PACRG: variants seen among roughly 807,000 people sequenced by gnomAD.
The protein encoded by PACRG is parkin coregulated.
PACRG carries 29 observed loss-of-function variants against 29.7 expected under a neutral mutation model. The ratio of observed to expected loss-of-function variants is 0.98; its 90% CI spans 0.73 to 1.33. The LOEUF is 1.33. PACRG is among the 40% of genes most tolerant of loss of function. The pLI is 0.00. For missense variants in PACRG, 279 were observed against 316.2 expected (o/e 0.88, Z 0.89); for synonymous variants, 116 against 118.7 (o/e 0.98, Z 0.15).
chr6:162,822,923 T>G (rs1042291901), intron 2 of PACRG, among the ~76,000 whole-genome samples: 1 of 152,168 alleles, frequency 6.6e-6, no homozygotes, highest in African/African-American at 2.4e-5. Context: ...GTATAACATA[T>G]AACATATGTT....
intron 2 of PACRG, among the ~76,000 whole-genome samples, chr6:162,979,941 G>T (rs185710083): frequency 6.6e-6 from 1 of 151,806 alleles, no homozygotes. Flanking sequence ...ATAATATTCA[G>T]TCCAGAAAAA....
rs115642043 is a variant in PACRG, at chr6:163,096,601, A to G, written c.613+7193A>G. On this transcript the variant is annotated intron_variant, in intron 4 of 4. Transcript: ENST00000366888. ...GTGCCTTAGTCTCCATAATTTAAAA[A>G]CCAAGTTACTGGGAGGATTAAAGCA... Among the ~76,000 whole-genome samples, 727 of 152,246 alleles carry G rather than the reference A, an allele frequency of 4.8e-3. 5 individuals carry two copies. The highest frequency in any genetic ancestry group is 0.017 in the African/African-American group (700 of 41,542).
chr6:162,832,505 A>T (rs1456902609), intron 2 of PACRG, among the ~76,000 whole-genome samples: 1 of 152,120 alleles, frequency 6.6e-6, no homozygotes, highest in Non-Finnish European at 1.5e-5. Context: ...AATTCTTGCT[A>T]TATTTGGTTT....
At chr6:163,255,383 G>C (rs1454207503) in intron 4 of PACRG, among the ~76,000 whole-genome samples, 1 of 152,202 alleles carries the variant, frequency 6.6e-6, no homozygotes, top group African/African-American at 2.4e-5. Flanking sequence ...TCAATGTCCA[G>C]GAGGTGACTG....
At position 163,096,670 on chromosome 6, in the gene PACRG, A is replaced by T. The variant is rs541726656; in HGVS notation, c.613+7262A>T. 8.5e-5 allele frequency among the ~76,000 whole-genome samples: 13 copies of T among 152,248 alleles called. No homozygotes were observed. The South Asian group carries it at 2.5e-3, about 29-fold the overall frequency. ...AACTATAAGAAGGTCATTTTTCAGG[A>T]GTTCTACTTGGAGAGAAGGAGGGGA... On this transcript the variant is annotated intron_variant, in intron 4 of 4. Transcript: ENST00000366888.
At chr6:162,786,617 G>T (rs1481905068) in intron 1 of PACRG, among the ~76,000 whole-genome samples, 1 of 152,160 alleles carries the variant, frequency 6.6e-6, no homozygotes, top group Admixed American at 6.5e-5. Context: ...TGCCCAAGTA[G>T]AAGGCAGAAA....
intron 2 of PACRG, among the ~76,000 whole-genome samples, chr6:163,038,795 G>A (rs550736219): frequency 8.7e-4 from 133 of 152,314 alleles, no homozygotes; most frequent in Non-Finnish European, 1.5e-3. Context: ...TCTCCCTAGA[G>A]AGGACAGGAA....
intron 2 of PACRG, 109 bp from the exon 3 acceptor site, chr6:163,062,041 A>C: frequency 9.3e-7 from 1 of 1,078,940 alleles, no homozygotes; most frequent in East Asian, 2.4e-5. Context: ...GTCTTCCTGA[A>C]GTTCTAAAGA....
At chr6:163,246,608 G>A (rs564889351) in intron 4 of PACRG, among the ~76,000 whole-genome samples, 5 of 152,168 alleles carry the variant, frequency 3.3e-5, no homozygotes, top group African/African-American at 9.7e-5. Flanking sequence ...GTCTCACTCC[G>A]TGTCAGCTGC....
chr6:163,005,643 T>C (rs901513651), intron 2 of PACRG, among the ~76,000 whole-genome samples: 1 of 150,730 alleles, frequency 6.6e-6, no homozygotes, highest in African/African-American at 2.5e-5. Context: ...CTTGTGTAAC[T>C]TGAATTATAT....
At chr6:163,131,869 A>T (rs1816755553) in intron 4 of PACRG, among the ~76,000 whole-genome samples, 1 of 152,198 alleles carries the variant, frequency 6.6e-6, no homozygotes, top group African/African-American at 2.4e-5. Flanking sequence ...TACCCATAAA[A>T]TGCGTTCAAT....
At chr6:163,216,738 C>T (rs1316619613) in intron 4 of PACRG, among the ~76,000 whole-genome samples, 6 of 152,126 alleles carry the variant, frequency 3.9e-5, no homozygotes, top group African/African-American at 1.2e-4. Flanking sequence ...GAGATGCTGT[C>T]GTATTTGGCA....
chr6:162,781,296 A>AG (rs1012604382), intron 1 of PACRG, among the ~76,000 whole-genome samples: 2 of 151,962 alleles, frequency 1.3e-5, no homozygotes, highest in African/African-American at 4.8e-5. Flanking sequence ...TTTTAAATCA[A>AG]GGTGAAATAA....
chr6:163,129,750 C>G (rs1463881593), intron 4 of PACRG, among the ~76,000 whole-genome samples: 1 of 152,212 alleles, frequency 6.6e-6, no homozygotes, highest in East Asian at 1.9e-4. Flanking sequence ...CAACCTCACA[C>G]TCAGTTTCCT....
intron 2 of PACRG, among the ~76,000 whole-genome samples, chr6:162,945,199 T>G (rs932795666): frequency 6.6e-6 from 1 of 152,096 alleles, no homozygotes; most frequent in African/African-American, 2.4e-5. Flanking sequence ...AACTTTTCAC[T>G]TAAAAGTTAT....
At chr6:162,727,538 C>T, upstream of PACRG, 2 of 1,109,456 alleles carry the variant, frequency 1.8e-6, no homozygotes, top group Non-Finnish European at 2.6e-6. Context: ...GGGGACGGCA[C>T]GGGCACTTTG....
intron 2 of PACRG, among the ~76,000 whole-genome samples, chr6:163,022,465 G>C (rs1478461019): frequency 1.3e-5 from 2 of 152,170 alleles, no homozygotes; most frequent in Non-Finnish European, 2.9e-5. Flanking sequence ...GATTCAACCG[G>C]AAGAGAGCAG....
intron 4 of PACRG, among the ~76,000 whole-genome samples, chr6:163,211,006 T>C (rs1781114266): frequency 6.6e-6 from 1 of 152,198 alleles, no homozygotes; most frequent in Non-Finnish European, 1.5e-5. Flanking sequence ...ATAAAATTCT[T>C]CATTACTTCA....
At chr6:162,728,975 A>T (rs1779518075) in intron 1 of PACRG, among the ~76,000 whole-genome samples, 1 of 152,208 alleles carries the variant, frequency 6.6e-6, no homozygotes, top group African/African-American at 2.4e-5. Context: ...GCCTTTTAAG[A>T]TGATGTGCTT....
Sources: allele counts gnomAD v4.1 joint callset (sites outside exome capture counted in the v4.1 genomes callset), GRCh38; gene constraint gnomAD v4.1.1; transcripts MANE v1.5; gene names NCBI Gene and HGNC (gene_info 2026-07-23, HGNC 2026-07-21).